The following REEP1 variants were observed in gnomAD, a reference collection of about 807,000 sequenced individuals.
REEP1 encodes the protein receptor expression-enhancing protein 1.
In REEP1, 22 loss-of-function variants were observed where a neutral mutation model predicts 40.3. That is an observed-to-expected ratio of 0.55 (90% CI 0.39 to 0.78). REEP1 has a LOEUF of 0.78. Among genes scored for constraint, REEP1 ranks in the 30% least tolerant of loss-of-function variants. The pLI is 0.00. For missense variants in REEP1, 280 were observed against 361.1 expected (o/e 0.78, Z 1.82); for synonymous variants, 116 against 139.2 (o/e 0.83, Z 1.17).
intron 2 of REEP1, among the ~76,000 whole-genome samples, chr2:86,273,624 C>T (rs1422023910): frequency 1.3e-5 from 2 of 152,098 alleles, no homozygotes; most frequent in African/African-American, 4.8e-5. Context: ...CTCATCCACA[C>T]CCCTACCCTC....
intron 4 of REEP1, among the ~76,000 whole-genome samples, chr2:86,253,276 G>A (rs201647984): frequency 4.6e-5 from 7 of 152,216 alleles, no homozygotes; most frequent in East Asian, 1.9e-4. Flanking sequence ...GCAAGATTCC[G>A]CGCCCCCCAC....
chr2:86,278,640 A>G (rs1289672197), intron 2 of REEP1, among the ~76,000 whole-genome samples: 2 of 152,196 alleles, frequency 1.3e-5, no homozygotes, highest in Non-Finnish European at 2.9e-5. Flanking sequence ...ATCTCCCAAC[A>G]TGAGCATCTT....
At chr2:86,256,979 T>A (rs1004454868) in intron 3 of REEP1, among the ~76,000 whole-genome samples, 2 of 152,076 alleles carry the variant, frequency 1.3e-5, no homozygotes, top group African/African-American at 4.8e-5. Flanking sequence ...TACCCACGCC[T>A]CCTTTCCTCA....
rs538668163 is a variant in REEP1, at chr2:86,330,931, C to T, written c.32+6548G>A. On this transcript the variant is annotated intron_variant, in intron 1 of 8. Coordinates refer to ENST00000538924, the MANE Select transcript of REEP1 (RefSeq NM_001371279.1). ...TTCCTGCAGCATACCCCAGTCCATC[C>T]GAACAACAAATATTTAATGGATTAT... Among the ~76,000 whole-genome samples the T allele has an allele frequency of 1.7e-4, 26 of 152,220 alleles. No homozygotes were observed. The East Asian group carries it at 2.3e-3, about 14-fold the overall frequency.
intron 1 of REEP1, among the ~76,000 whole-genome samples, chr2:86,333,681 G>A (rs550369029): frequency 6.6e-6 from 1 of 152,290 alleles, no homozygotes; most frequent in South Asian, 2.1e-4. Context: ...ACAGAGCAAC[G>A]TTGGTATCCC....
At chr2:86,288,309 A>G (rs184905920) in intron 1 of REEP1, among the ~76,000 whole-genome samples, 1 of 152,346 alleles carries the variant, frequency 6.6e-6, no homozygotes, top group Admixed American at 6.5e-5. Flanking sequence ...GGCGTGAGCC[A>G]CAGCACCCAG....
At chr2:86,305,120 G>A (rs1388166527) in intron 1 of REEP1, among the ~76,000 whole-genome samples, 1 of 152,152 alleles carries the variant, frequency 6.6e-6, no homozygotes, top group Non-Finnish European at 1.5e-5. Flanking sequence ...TGAATTAAAA[G>A]GGGGAAAGGA....
In REEP1 at chr2:86,284,242, CT is replaced by C. The variant is rs201433148; in HGVS notation, c.33-2001del. 8.3e-3 allele frequency among the ~76,000 whole-genome samples: 1,261 copies of C among 152,216 alleles called. 11 individuals are homozygous for C. Among genetic ancestry groups the C allele is most frequent in the African/African-American group, 0.029 (1,184 of 41,518 alleles). ...GCCTTTCCTGACCTGGTCACCCCCCCTGACGATTGGGCTCCTCTCCGTTTTT... is the reference window on the plus strand; with the variant it reads ...GCCTTTCCTGACCTGGTCACCCCCCCGACGATTGGGCTCCTCTCCGTTTTT... On this transcript the variant is annotated intron_variant, in intron 1 of 8. Transcript: ENST00000538924.
At chr2:86,270,176 TTTG>T (rs2104338004) in intron 2 of REEP1, among the ~76,000 whole-genome samples, 1 of 3,796 alleles carries the variant, frequency 2.6e-4, no homozygotes, top group African/African-American at 4.1e-4. Context: ...TTTTCTTTTG[TTTG>T]TTTGTTTGTT....
intron 4 of REEP1, among the ~76,000 whole-genome samples, chr2:86,253,595 C>T (rs548548159): frequency 6.6e-6 from 1 of 152,266 alleles, no homozygotes; most frequent in Non-Finnish European, 1.5e-5. Flanking sequence ...GGAAGCCCAG[C>T]ATTTGGGGAA....
chr2:86,216,458 C>T lies in REEP1; in HGVS notation c.*581G>A, dbSNP rs1674118480. 1.3e-5 allele frequency: 2 copies of T among 152,584 alleles called. No homozygotes were observed. The highest frequency in any genetic ancestry group is 2.1e-4 in the South Asian group (1 of 4,844). 9.5% of individuals were successfully genotyped at this position (152,584 alleles called of 1,614,324 possible). On this transcript the variant is annotated 3_prime_UTR_variant, in exon 9 of 9. Coordinates refer to ENST00000538924, the MANE Select transcript of REEP1 (RefSeq NM_001371279.1). ...GTCTTACTGGAGTTGTATTTGGAAGCTTTATAAGCACATCTGAGACGTTCT... is the reference window on the plus strand; with the variant it reads ...GTCTTACTGGAGTTGTATTTGGAAGTTTTATAAGCACATCTGAGACGTTCT...
Position 86,264,090 on chromosome 2 carries a change from C to T in REEP1, c.106-49G>A, listed in dbSNP as rs568796768. On this transcript the variant is annotated intron_variant, in intron 2 of 8. Coordinates refer to ENST00000538924, the MANE Select transcript of REEP1 (RefSeq NM_001371279.1). ...GCTGGTAGAAAAGGTCCAGGAAAAA[C>T]ACTGCCCAACACCAGGAAGAACAGG... is the stretch of plus-strand genomic sequence containing the variant. 2.2e-6 allele frequency: 3 copies of T among 1,384,900 alleles called. No individual in the cohort carries two copies. The African/African-American group carries it at 4.3e-5, about 20-fold the overall frequency. The allele number at this position is 1,384,900 out of a possible 1,614,324, so 85.8% of individuals were successfully genotyped here.
intron 6 of REEP1, among the ~76,000 whole-genome samples, chr2:86,231,697 G>A (rs1031293924): frequency 9.9e-5 from 15 of 152,086 alleles, no homozygotes; most frequent in South Asian, 6.3e-4. Flanking sequence ...ATCCAGAACC[G>A]TCCCCCACCC....
At chr2:86,289,057 T>C (rs1437277241) in intron 1 of REEP1, among the ~76,000 whole-genome samples, 1 of 152,240 alleles carries the variant, frequency 6.6e-6, no homozygotes, top group Non-Finnish European at 1.5e-5. Flanking sequence ...TGGTTTGTGG[T>C]GCATTTTCTT....
At chr2:86,241,824 G>A (rs910349167) in intron 5 of REEP1, among the ~76,000 whole-genome samples, 2 of 152,186 alleles carry the variant, frequency 1.3e-5, no homozygotes, top group Non-Finnish European at 2.9e-5. Context: ...TGTGTCATAA[G>A]CTACACCTCA....
At chr2:86,313,144 C>CCGT (rs968207814) in intron 1 of REEP1, among the ~76,000 whole-genome samples, 7 of 152,136 alleles carry the variant, frequency 4.6e-5, no homozygotes, top group African/African-American at 1.7e-4. Context: ...GAGTCTTGCT[C>CCGT]CGTCACCCAG....
intron 1 of REEP1, among the ~76,000 whole-genome samples, chr2:86,310,036 G>A (rs1416827969): frequency 6.6e-6 from 1 of 152,170 alleles, no homozygotes; most frequent in Non-Finnish European, 1.5e-5. Context: ...AAGCATGTCT[G>A]TACCTTGCCA....
At chr2:86,334,998 A>G (rs533232414) in intron 1 of REEP1, among the ~76,000 whole-genome samples, 1 of 152,330 alleles carries the variant, frequency 6.6e-6, no homozygotes, top group African/African-American at 2.4e-5. Context: ...TGGGATTTGA[A>G]CCATGGGCGT....
Position 86,337,373 on chromosome 2 carries a change from T to G in REEP1, c.32+106A>C. The stretch of plus-strand genomic sequence containing the variant: ...CTGCTAAATTTAGCTGCGCCGGGTA[T>G]TAATAGCCCGAGCCACTGGGACCGG... On this transcript the variant is annotated intron_variant, in intron 1 of 8. Coordinates refer to ENST00000538924, the MANE Select transcript of REEP1 (RefSeq NM_001371279.1). This position sits in a 1 kb window ranked among gnomAD's most constrained non-coding sequence, Gnocchi z 5.8. 2 of 687,794 alleles carry G rather than the reference T, an allele frequency of 2.9e-6. No individual in the cohort carries two copies. The highest frequency in any genetic ancestry group is 3.9e-6 in the Non-Finnish European group (2 of 507,184). The allele number at this position is 687,794 out of a possible 1,614,324, so 42.6% of individuals were successfully genotyped here.
Sources: gnomAD v4.1 joint callset for allele counts (sites outside exome capture counted in the v4.1 genomes callset) on GRCh38, gnomAD v4.1.1 for gene constraint, Gnocchi (gnomAD v3.1) non-coding constraint, MANE v1.5 for transcripts, NCBI Gene and HGNC (gene_info 2026-07-23, HGNC 2026-07-21) for gene names.